The following STXBP4 variants were observed in gnomAD, a reference collection of about 807,000 sequenced individuals.
STXBP4 encodes the protein syntaxin-binding protein 4.
In STXBP4, 55 loss-of-function variants were observed where a neutral mutation model predicts 76.1. The ratio of observed to expected loss-of-function variants is 0.72; its 90% CI spans 0.58 to 0.91. STXBP4 has a LOEUF of 0.91. Ranked by LOEUF, STXBP4 falls within the 40% of genes least tolerant of loss-of-function variation. The pLI, the probability that STXBP4 is intolerant of heterozygous loss-of-function variation, is 0.00. For missense variants in STXBP4, 618 were observed against 636.9 expected (o/e 0.97, Z 0.32); for synonymous variants, 201 against 220.2 (o/e 0.91, Z 0.77).
the STXBP4 span, among the ~76,000 whole-genome samples, chr17:55,183,021 G>A: frequency 1.3e-5 from 2 of 152,132 alleles, no homozygotes; most frequent in Admixed American, 6.5e-5. Context: ...TGTGATTAGA[G>A]TTCAATGAAT....
chr17:55,144,007 A>G (rs244318), intron 17 of STXBP4, among the ~76,000 whole-genome samples: 4,693 of 50,104 alleles, frequency 0.094, 226 homozygotes, highest in African/African-American at 0.32. Flanking sequence ...AGCCACCTGC[A>G]CACACACACA....
At chr17:55,092,702 A>C (rs2079430904) in intron 16 of STXBP4, among the ~76,000 whole-genome samples, 2 of 152,196 alleles carry the variant, frequency 1.3e-5, no homozygotes, top group African/African-American at 4.8e-5. Flanking sequence ...TTTTTCTGTT[A>C]CATCTGAAGC....
intron 16 of STXBP4, among the ~76,000 whole-genome samples, chr17:55,121,861 G>A (rs1190775689): frequency 6.6e-6 from 1 of 151,936 alleles, no homozygotes; most frequent in Non-Finnish European, 1.5e-5. Flanking sequence ...CCTTCAATAC[G>A]AATATGTTGC....
At chr17:54,997,555 AATAT>A (rs1408901707) in intron 4 of STXBP4, among the ~76,000 whole-genome samples, 1 of 145,802 alleles carries the variant, frequency 6.9e-6, no homozygotes, top group Non-Finnish European at 1.5e-5. Context: ...ATATAATATA[AATAT>A]ATATATTATA....
At chr17:55,184,221 G>T in the STXBP4 span, among the ~76,000 whole-genome samples, 1 of 151,984 alleles carries the variant, frequency 6.6e-6, no homozygotes, top group Admixed American at 6.5e-5. Context: ...TTATTGAAAA[G>T]AGGTTGTAGA....
At chr17:55,145,735 C>CTGTGTG (rs59653900) in intron 17 of STXBP4, among the ~76,000 whole-genome samples, 1,918 of 151,338 alleles carry the variant, frequency 0.013, 19 homozygotes, top group Middle Eastern at 0.051. Flanking sequence ...GTGTATGTTT[C>CTGTGTG]TGTGTGTGTG....
chr17:55,122,024 T>C (rs2079849927), intron 16 of STXBP4, among the ~76,000 whole-genome samples: 1 of 152,116 alleles, frequency 6.6e-6, no homozygotes, highest in Non-Finnish European at 1.5e-5. Context: ...TAAATACCTA[T>C]TTGTTTTCCC....
intron 12 of STXBP4, among the ~76,000 whole-genome samples, chr17:55,071,231 A>G (rs142593877): frequency 2.0e-5 from 3 of 152,238 alleles, no homozygotes; most frequent in Non-Finnish European, 4.4e-5. Context: ...ATCATTTCCC[A>G]TCTTACCCTG....
intron 8 of STXBP4, among the ~76,000 whole-genome samples, chr17:55,024,551 G>C (rs1409945286): frequency 6.6e-6 from 1 of 152,150 alleles, no homozygotes; most frequent in African/African-American, 2.4e-5. Context: ...CATTGGATAT[G>C]TAACATTAGC....
chr17:55,043,507 A>G, intron 11 of STXBP4, 182 bp downstream of exon 11: 4 of 1,025,164 alleles, frequency 3.9e-6, no homozygotes, highest in Non-Finnish European at 5.7e-6. Flanking sequence ...TTTGGTCTAC[A>G]TATTTATATT....
At chr17:55,197,771 A>G in the STXBP4 span, among the ~76,000 whole-genome samples, 388 of 152,160 alleles carry the variant, frequency 2.5e-3, 4 homozygotes, top group Non-Finnish European at 3.5e-3. Context: ...AAAAGAAAAA[A>G]GAAATTCAGG....
intron 1 of STXBP4, among the ~76,000 whole-genome samples, chr17:54,969,116 A>G (rs9904513): frequency 0.02 from 3,013 of 152,198 alleles, 102 homozygotes; most frequent in African/African-American, 0.068. Context: ...CGCAGCCCTC[A>G]TGGGCACCCA....
intron 16 of STXBP4, among the ~76,000 whole-genome samples, chr17:55,137,794 A>G (rs1041983876): frequency 6.6e-6 from 1 of 152,110 alleles, no homozygotes; most frequent in Non-Finnish European, 1.5e-5. Flanking sequence ...AAAATTTTAG[A>G]TAGGTATTTA....
rs374378423 is a variant in STXBP4, at chr17:55,076,329, C to A, written c.1189-1749C>A. 3.9e-5 allele frequency among the ~76,000 whole-genome samples: 6 copies of A among 152,248 alleles called. No homozygotes were observed. In the East Asian group the frequency reaches 9.6e-4, roughly 24 times the overall value. ...CATTCTTACATCTCAGACCTTCTCA[C>A]TTGGTTTCTTTCTTCATGAGTACAT... On this transcript the variant is annotated intron_variant, in intron 13 of 17. Transcript: ENST00000376352.
chr17:55,079,104 G>A (rs1337390989), intron 15 of STXBP4, among the ~76,000 whole-genome samples: 27 of 152,070 alleles, frequency 1.8e-4, no homozygotes, highest in Admixed American at 1.8e-3. Flanking sequence ...AACCCAGCAG[G>A]TTAGTTGTTC....
intron 16 of STXBP4, among the ~76,000 whole-genome samples, chr17:55,113,886 T>C (rs561426756): frequency 1.2e-3 from 190 of 152,232 alleles, no homozygotes; most frequent in Non-Finnish European, 1.9e-3. Context: ...CAGCATGGGC[T>C]CAAGAACGAT....
At chr17:55,005,159 A>G (rs1324363008) in intron 7 of STXBP4, among the ~76,000 whole-genome samples, 1 of 152,230 alleles carries the variant, frequency 6.6e-6, no homozygotes, top group East Asian at 1.9e-4. Context: ...ACAATACTGC[A>G]TAAGTTTTCA....
At chr17:55,035,767 T>C (rs1172724201) in intron 10 of STXBP4, among the ~76,000 whole-genome samples, 2 of 151,986 alleles carry the variant, frequency 1.3e-5, no homozygotes, top group East Asian at 1.9e-4. Context: ...CCTTATGAAA[T>C]TACCATATTT....
chr17:54,985,096 T>A (rs761306832), intron 1 of STXBP4, among the ~76,000 whole-genome samples: 13 of 152,214 alleles, frequency 8.5e-5, no homozygotes, highest in Non-Finnish European at 1.8e-4. Flanking sequence ...TTTAAAAGTT[T>A]AACTTTATTA....
Sources: gnomAD v4.1 joint callset for allele counts (sites outside exome capture counted in the v4.1 genomes callset) on GRCh38, gnomAD v4.1.1 for gene constraint, MANE v1.5 for transcripts, NCBI Gene and HGNC (gene_info 2026-07-23, HGNC 2026-07-21) for gene names.